Variants in BLTP1 observed in about 807,000 individuals in gnomAD.
BLTP1 encodes the protein fragile site-associated protein.
At chr4:122,353,955 C>CA in the BLTP1 span, 1 of 1,613,348 alleles carries the variant, frequency 6.2e-7, no homozygotes, top group Non-Finnish European at 8.5e-7. This position sits in a 1 kb window ranked among gnomAD's most constrained non-coding sequence, Gnocchi z 4.3. Flanking sequence ...CATGAAAATC[C>CA]ACCCCATGGA....
the BLTP1 span, among the ~76,000 whole-genome samples, chr4:122,264,969 T>C: frequency 2.6e-5 from 4 of 152,352 alleles, no homozygotes; most frequent in Admixed American, 1.3e-4. Flanking sequence ...GAAAGTCTTA[T>C]TTAATTGCTT....
chr4:122,269,350 C>T, the BLTP1 span: 2 of 923,104 alleles, frequency 2.2e-6, no homozygotes, highest in Admixed American at 6.2e-5. Flanking sequence ...CTACAACAGA[C>T]TAGACCTTCA....
the BLTP1 span, among the ~76,000 whole-genome samples, chr4:122,297,078 A>C: frequency 7.2e-5 from 11 of 152,232 alleles, no homozygotes; most frequent in African/African-American, 2.7e-4. Flanking sequence ...ATGGGATCTA[A>C]TTAAACTAAA....
At chr4:122,309,197 C>G in the BLTP1 span, 2 of 1,543,492 alleles carry the variant, frequency 1.3e-6, no homozygotes, top group Non-Finnish European at 1.8e-6. Flanking sequence ...TCCTATGAAT[C>G]CTGTGAGGAT....
At chr4:122,271,528 G>C in the BLTP1 span, 2 of 1,613,404 alleles carry the variant, frequency 1.2e-6, no homozygotes, top group South Asian at 2.2e-5. Context: ...CATCAAAAGT[G>C]TCTAGGAAAG....
the BLTP1 span, among the ~76,000 whole-genome samples, chr4:122,159,124 G>A: frequency 6.6e-6 from 1 of 152,100 alleles, no homozygotes; most frequent in East Asian, 1.9e-4. Flanking sequence ...TGTTATTTGT[G>A]GCAACTAATT....
chr4:122,354,305 G>T, the BLTP1 span, among the ~76,000 whole-genome samples: 230 of 152,200 alleles, frequency 1.5e-3, 7 homozygotes, highest in South Asian at 0.046. Context: ...TTTAGGAAAT[G>T]ATTCTGGAAA....
At chr4:122,292,491 AG>A in the BLTP1 span, 1 of 844,894 alleles carries the variant, frequency 1.2e-6, no homozygotes, top group South Asian at 5.5e-5. Context: ...GTATTTGTTT[AG>A]CAAAATGATT....
chr4:122,190,157 C>A, the BLTP1 span: 2 of 1,553,858 alleles, frequency 1.3e-6, no homozygotes, highest in Non-Finnish European at 1.8e-6. Flanking sequence ...AATGCAGTGG[C>A]GTAATCATAG....
the BLTP1 span, among the ~76,000 whole-genome samples, chr4:122,248,324 T>C: frequency 6.6e-6 from 1 of 152,086 alleles, no homozygotes; most frequent in South Asian, 2.1e-4. Context: ...GAACCTTATA[T>C]AATTTTGAAA....
At chr4:122,219,657 G>T in the BLTP1 span, 3 of 859,844 alleles carry the variant, frequency 3.5e-6, no homozygotes, top group African/African-American at 3.4e-5. Context: ...CTTAGAAAAA[G>T]AAAATCAGAT....
chr4:122,324,690 A>G, the BLTP1 span, among the ~76,000 whole-genome samples: 1 of 151,982 alleles, frequency 6.6e-6, no homozygotes, highest in Non-Finnish European at 1.5e-5. Flanking sequence ...TCAAACTCAG[A>G]AGTTTATTTA....
the BLTP1 span, chr4:122,162,590 G>A: frequency 4.1e-6 from 4 of 985,250 alleles, no homozygotes; most frequent in Non-Finnish European, 4.8e-6. Flanking sequence ...AAGCTGTGGT[G>A]ACGAAAGTCC....
the BLTP1 span, chr4:122,173,235 T>A: frequency 2.2e-6 from 3 of 1,381,834 alleles, no homozygotes; most frequent in African/African-American, 4.4e-5. Flanking sequence ...TATAACTGAA[T>A]GCCTGAGACT....
the BLTP1 span, chr4:122,282,046 T>G: frequency 1.0e-6 from 1 of 975,558 alleles, no homozygotes; most frequent in Non-Finnish European, 1.2e-6. Flanking sequence ...TTGAAGAAAT[T>G]AACCCATTTC....
the BLTP1 span, chr4:122,207,405 CTG>C: frequency 4.2e-6 from 6 of 1,422,794 alleles, no homozygotes; most frequent in Non-Finnish European, 5.6e-6. Flanking sequence ...TCTCAGAAGA[CTG>C]TTTCAGAGTT....
chr4:122,185,514 A>T, the BLTP1 span: 9 of 786,740 alleles, frequency 1.1e-5, no homozygotes, highest in Non-Finnish European at 1.5e-6. Context: ...ACTTAATGTA[A>T]TTATGTCTTT....
chr4:122,310,361 G>A, the BLTP1 span, among the ~76,000 whole-genome samples: 36 of 152,166 alleles, frequency 2.4e-4, no homozygotes, highest in African/African-American at 7.7e-4. Flanking sequence ...GGGGGCTTGT[G>A]TAATAAAAGA....
the BLTP1 span, chr4:122,189,072 G>T: frequency 3.0e-6 from 3 of 983,940 alleles, no homozygotes; most frequent in Non-Finnish European, 2.4e-6. Flanking sequence ...GTATAATACT[G>T]AATAAATCAG....
Sources: gnomAD v4.1 joint callset for allele counts (sites outside exome capture counted in the v4.1 genomes callset) on GRCh38, gnomAD v4.1.1 for gene constraint, Gnocchi (gnomAD v3.1) non-coding constraint, MANE v1.5 for transcripts, NCBI Gene and HGNC (gene_info 2026-07-23, HGNC 2026-07-21) for gene names.